The following RPTOR variants were observed in gnomAD, a reference collection of about 807,000 sequenced individuals.
The protein encoded by RPTOR is regulatory associated protein of MTOR complex 1, also known as regulatory-associated protein of mTOR.
Under a neutral mutation model 169.9 loss-of-function variants are expected in RPTOR, and 21 were observed. That is an observed-to-expected ratio of 0.12 (90% confidence interval 0.09 to 0.18). The LOEUF (loss-of-function observed/expected upper bound fraction) is 0.18, where lower values mean the gene tolerates loss of function less well. Among genes scored for constraint, RPTOR ranks in the 10% least tolerant of loss-of-function variants. RPTOR has a pLI of 1.00. For synonymous variants in RPTOR, 732 were observed against 753.2 expected, an observed-to-expected ratio of 0.97 and a Z score of 0.46; for missense variants, 1,133 against 1,855.9, an observed-to-expected ratio of 0.61 and a Z score of 7.16.
At chr17:80,834,736 G>T (rs2067545044) in intron 9 of RPTOR, among the ~76,000 whole-genome samples, 2 of 152,336 alleles carry the variant, frequency 1.3e-5, no homozygotes, top group South Asian at 4.1e-4. Context: ...TCAACACCAA[G>T]CGAGGGCCTT....
chr17:80,745,201 T>A (rs2066560526), intron 5 of RPTOR, among the ~76,000 whole-genome samples: 1 of 152,260 alleles, frequency 6.6e-6, no homozygotes, highest in Non-Finnish European at 1.5e-5. Flanking sequence ...ATTGACCATC[T>A]TCACAGAGTT....
chr17:80,889,799 G>A (rs1048897348), intron 17 of RPTOR, among the ~76,000 whole-genome samples: 1 of 151,550 alleles, frequency 6.6e-6, no homozygotes, highest in African/African-American at 2.4e-5. Flanking sequence ...CAGGATGTGC[G>A]GCCTCCAAGG....
At chr17:80,676,841 C>T (rs1598213205) in intron 3 of RPTOR, among the ~76,000 whole-genome samples, 1 of 152,328 alleles carries the variant, frequency 6.6e-6, no homozygotes, top group East Asian at 1.9e-4. Flanking sequence ...CATCGCTAGC[C>T]AGGGCACAGC....
intron 4 of RPTOR, among the ~76,000 whole-genome samples, chr17:80,727,698 G>C (rs1229013130): frequency 6.6e-6 from 1 of 152,218 alleles, no homozygotes; most frequent in Non-Finnish European, 1.5e-5. Context: ...TGCTTTAGAA[G>C]AGAGAGAAAA....
chr17:80,836,439 TGTGGCTCTGCGGCCTTGGGCGC>T (rs2067565373), intron 9 of RPTOR, among the ~76,000 whole-genome samples: 1 of 152,200 alleles, frequency 6.6e-6, no homozygotes, highest in Non-Finnish European at 1.5e-5. Context: ...TAATTCAGCG[TGTGGCTCTGCGGCCTTGGGCGC>T]GTGGCTGTCT....
chr17:80,710,613 T>C (rs1432585796), intron 4 of RPTOR, among the ~76,000 whole-genome samples: 2 of 111,876 alleles, frequency 1.8e-5, no homozygotes, highest in South Asian at 5.5e-4. Flanking sequence ...GTGTGTGTGT[T>C]AAAGTGGTCA....
intron 25 of RPTOR, among the ~76,000 whole-genome samples, chr17:80,942,312 T>C (rs2069041916): frequency 6.6e-6 from 1 of 151,070 alleles, no homozygotes; most frequent in African/African-American, 2.4e-5. Context: ...AGCTGGCCCC[T>C]GATGGCCAAG....
At position 80,838,528 on chromosome 17, in the gene RPTOR, C is replaced by T. The variant is rs1013368138; in HGVS notation, c.1212+531C>T. Among the ~76,000 whole-genome samples the T allele has an allele frequency of 3.3e-5, 5 of 152,332 alleles. 1 individual carries two copies. The highest frequency in any genetic ancestry group is 2.0e-4 in the Admixed American group (3 of 15,306). ...TCGCGGCAGCTCCCTAGGACCCCCTCGTGGTTTCTTAATGAGCTTTTGCCT... is the reference window on the plus strand; with the variant it reads ...TCGCGGCAGCTCCCTAGGACCCCCTTGTGGTTTCTTAATGAGCTTTTGCCT... On this transcript the variant is annotated intron_variant, in intron 10 of 33. Coordinates refer to ENST00000306801, the MANE Select transcript of RPTOR (RefSeq NM_020761.3).
intron 3 of RPTOR, among the ~76,000 whole-genome samples, chr17:80,670,447 G>A (rs372775853): frequency 1.3e-5 from 2 of 152,040 alleles, no homozygotes; most frequent in South Asian, 2.1e-4. Flanking sequence ...CATCCGGAGC[G>A]TTGCTGTCAG....
chr17:80,815,487 C>T (rs930332928), intron 7 of RPTOR, among the ~76,000 whole-genome samples: 1 of 152,248 alleles, frequency 6.6e-6, no homozygotes, highest in African/African-American at 2.4e-5. Flanking sequence ...GGCCCAGCCC[C>T]GTGTCCACAG....
chr17:80,585,537 G>A (rs960748363), intron 1 of RPTOR, among the ~76,000 whole-genome samples: 3 of 152,274 alleles, frequency 2.0e-5, no homozygotes, highest in African/African-American at 4.8e-5. Flanking sequence ...CCGTGGAGGC[G>A]CACAGGGCTG....
chr17:80,715,851 A>G (rs2066235422), intron 4 of RPTOR, among the ~76,000 whole-genome samples: 1 of 152,196 alleles, frequency 6.6e-6, no homozygotes, highest in Admixed American at 6.5e-5. Flanking sequence ...CTTCACTTAA[A>G]ATAATAGTCT....
rs572833876 is a variant in RPTOR at position 80,857,845 on chromosome 17, G to A, written c.1454G>A (p.Arg485Gln). 1.4e-5 allele frequency: 23 copies of A among 1,613,134 alleles called. No homozygotes were observed. The highest frequency in any genetic ancestry group is 1.0e-4 in the Admixed American group (6 of 60,014). The change falls in exon 13 of 34, where the codon CGA (arginine) becomes CAA (glutamine). Residue 485 changes from arginine to glutamine, a missense_variant. Physicochemically the swap from Arg to Gln is conservative, Grantham distance 43. This residue lies in a region of RPTOR where 289 missense variants were observed against 585.8 expected (regional missense o/e 0.49). Transcript: ENST00000306801. Reference sequence around the variant, plus strand: ...CTGAAGCTGCTCCAGAGCTCGGCCCGAGAGCTGCGGCCACTTCTCGTTTTC... The same window carrying A: ...CTGAAGCTGCTCCAGAGCTCGGCCCAAGAGCTGCGGCCACTTCTCGTTTTC... The part of the protein sequence containing the change: ...YVLKLLQSSA[R>Q]ELRPLLVFIW...
Position 80,650,054 on chromosome 17 carries a change from T to C in RPTOR, c.348+6244T>C, listed in dbSNP as rs368671613. Among the ~76,000 whole-genome samples, 4 of 152,210 alleles carry C rather than the reference T, an allele frequency of 2.6e-5. No homozygotes were observed. The East Asian group carries it at 7.7e-4, about 29-fold the overall frequency. Reference sequence around the variant, plus strand: ...ACTGCTATCCCTCCGAATACCTTAGTGACATGACCTATAAATTCTTTTAGG... The same window carrying C: ...ACTGCTATCCCTCCGAATACCTTAGCGACATGACCTATAAATTCTTTTAGG... On this transcript the variant is annotated intron_variant, in intron 3 of 33. Transcript: ENST00000306801.
intron 7 of RPTOR, among the ~76,000 whole-genome samples, chr17:80,807,931 C>G (rs2067235911): frequency 6.6e-6 from 1 of 152,112 alleles, no homozygotes; most frequent in Non-Finnish European, 1.5e-5. Context: ...AAACATGCTC[C>G]TGGCTGGATG....
At position 80,947,058 on chromosome 17, in the gene RPTOR, C is replaced by G. The variant is rs2069112659; in HGVS notation, c.3141-169C>G. 6.6e-6 allele frequency among the ~76,000 whole-genome samples: 1 copy of G among 152,234 alleles called. No homozygotes were observed. The highest frequency in any genetic ancestry group is 1.5e-5 in the Non-Finnish European group (1 of 68,040). On this transcript the variant is annotated intron_variant, in intron 26 of 33. Coordinates refer to ENST00000306801, the MANE Select transcript of RPTOR (RefSeq NM_020761.3). This position sits in a 1 kb window ranked among gnomAD's most constrained non-coding sequence, Gnocchi z 4.4. The stretch of plus-strand genomic sequence containing the variant: ...TCTTGAACTCCCAGGCTCCAACAGT[C>G]CTCCTGCTTCAGCCTCCCAAGTAGC...
intron 24 of RPTOR, among the ~76,000 whole-genome samples, chr17:80,928,036 T>C (rs2068833593): frequency 6.6e-5 from 10 of 152,226 alleles, no homozygotes. Flanking sequence ...ATGATTGTCT[T>C]CCTCTGCCCC....
At chr17:80,682,177 C>T (rs538953048) in intron 3 of RPTOR, among the ~76,000 whole-genome samples, 9 of 141,140 alleles carry the variant, frequency 6.4e-5, no homozygotes, top group Middle Eastern at 3.8e-3. Flanking sequence ...AATCATGGGT[C>T]GCTGCAGCCT....
intron 1 of RPTOR, among the ~76,000 whole-genome samples, chr17:80,547,368 T>A (rs1482904245): frequency 6.6e-6 from 1 of 152,192 alleles, no homozygotes; most frequent in Non-Finnish European, 1.5e-5. Context: ...GAAATGTGGT[T>A]CTCTCTGCTG....
Sources: allele counts gnomAD v4.1 joint callset (sites outside exome capture counted in the v4.1 genomes callset), GRCh38; gene constraint gnomAD v4.1.1; regional missense constraint gnomAD v4.1.1; non-coding constraint Gnocchi (gnomAD v3.1); transcripts MANE v1.5; gene names NCBI Gene and HGNC (gene_info 2026-07-23, HGNC 2026-07-21).